Variants in MED23 observed in about 807,000 individuals in gnomAD.
MED23 encodes the protein mediator complex subunit 23, also known as mediator of RNA polymerase II transcription subunit 23.
In MED23, 105 loss-of-function variants were observed where a neutral mutation model predicts 163.9. The ratio of observed to expected loss-of-function variants is 0.64; its 90% CI spans 0.55 to 0.75. The LOEUF (loss-of-function observed/expected upper bound fraction) is 0.75. Among genes scored for constraint, MED23 ranks in the 30% least tolerant of loss-of-function variants. The pLI, the probability that MED23 is intolerant of heterozygous loss-of-function variation, is 0.00. For synonymous variants in MED23, 561 were observed against 565.6 expected, an observed-to-expected ratio of 0.99 and a Z score of 0.12; for missense variants, 1,054 against 1,649.0, an observed-to-expected ratio of 0.64 and a Z score of 6.25.
chr6:131,586,893 A>T lies in MED23; in HGVS notation c.*786T>A. On this transcript the variant is annotated 3_prime_UTR_variant, in exon 29 of 29. Coordinates refer to ENST00000368068, the MANE Select transcript of MED23 (RefSeq NM_004830.4). ...TATAAAATTTAAAAATTTTAAGATTATAAAAATTGAAGAATTACATCATCT... is the reference window on the plus strand; with the variant it reads ...TATAAAATTTAAAAATTTTAAGATTTTAAAAATTGAAGAATTACATCATCT... 3 of 1,450,234 alleles carry T rather than the reference A, an allele frequency of 2.1e-6. No individual in the cohort carries two copies. The highest frequency in any genetic ancestry group is 2.8e-6 in the Non-Finnish European group (3 of 1,071,124). The allele number at this position is 1,450,234 out of a possible 1,614,324, so 89.8% of individuals were successfully genotyped here.
At position 131,613,850 on chromosome 6, in the gene MED23, T is replaced by A. The variant is rs560331395; in HGVS notation, c.876+2057A>T. Among the ~76,000 whole-genome samples the A allele has an allele frequency of 6.7e-5, 10 of 148,950 alleles. No homozygotes were observed. The East Asian group carries it at 2.0e-3, about 30-fold the overall frequency. ...AGATCAGAAATACTCTCAATTGTTT[T>A]GTCAATTTCTAGTTTGAGAAGAGCT... On this transcript the variant is annotated intron_variant, in intron 10 of 28. Coordinates refer to ENST00000368068, the MANE Select transcript of MED23 (RefSeq NM_004830.4).
chr6:131,628,207 C>T lies in MED23; in HGVS notation c.-158G>A, dbSNP rs1251486459. ...GCGCTTTACCTGGAGCGTTCCCTCC[C>T]GAGCCCAGCCAACAGCAGGAACCTG... On this transcript the variant is annotated 5_prime_UTR_variant, in exon 1 of 29. Transcript: ENST00000368068. 2.5e-6 allele frequency: 2 copies of T among 804,260 alleles called. No individual in the cohort carries two copies. The highest frequency in any genetic ancestry group is 4.2e-6 in the Non-Finnish European group (2 of 480,428). 49.8% of individuals were successfully genotyped at this position (804,260 alleles called of 1,614,324 possible).
chr6:131,605,474 T>C lies in MED23; in HGVS notation c.1379A>G (p.Gln460Arg). ...SLRLHHEFLQ[Q>R]SLRNKSLQMN... ...CTGTAAACTTTTATTTCTTAGACTC[T>C]GCTGCAGGAACCTAAATATTCACGT... is the stretch of plus-strand genomic sequence containing the variant. Residue 460 changes from glutamine (Q) to arginine (R), a missense_variant, in exon 14 of 29, where the codon CAG becomes CGG. Around this residue, in one of 11 missense-constraint regions of MED23, gnomAD observed 39 missense variants for 50.5 expected, o/e 0.77. Transcript: ENST00000368068. The C allele has an allele frequency of 4.4e-6, 7 of 1,588,754 alleles. No homozygotes were observed. Among genetic ancestry groups the C allele is most frequent in the Non-Finnish European group, 6.0e-6 (7 of 1,167,224 alleles).
chr6:131,615,547 G>A (rs1393531823), intron 10 of MED23, among the ~76,000 whole-genome samples: 2 of 105,786 alleles, frequency 1.9e-5, no homozygotes, highest in African/African-American at 7.8e-5. Flanking sequence ...CAGCAAGAAG[G>A]CCACGCTGAA....
intron 10 of MED23, 163 bp from the exon 11 acceptor site, chr6:131,610,409 A>T: frequency 1.4e-6 from 1 of 718,892 alleles, no homozygotes; most frequent in Non-Finnish European, 2.4e-6. Context: ...GCATCATGTT[A>T]TATTATTATA....
chr6:131,602,151 G>C (rs917613193), intron 17 of MED23, 67 bp downstream of exon 17: 6 of 1,510,494 alleles, frequency 4.0e-6, no homozygotes, highest in Non-Finnish European at 4.6e-6. Context: ...TACAACTATA[G>C]TAATTAGTAG....
intron 9 of MED23, among the ~76,000 whole-genome samples, chr6:131,618,080 T>C (rs1048045259): frequency 6.6e-6 from 1 of 151,336 alleles, no homozygotes; most frequent in African/African-American, 2.4e-5. Flanking sequence ...GGAATTAGAC[T>C]GAGTTCACAT....
Position 131,596,547 on chromosome 6 carries a change from A to G in MED23, c.2749T>C (p.Trp917Arg). 6.2e-7 allele frequency: 1 copy of G among 1,614,202 alleles called. No individual in the cohort carries two copies. Among genetic ancestry groups the G allele is most frequent in the Non-Finnish European group, 8.5e-7 (1 of 1,180,014 alleles). ...NSPEHWLQNDWHTKHMNYHKK... is the reference protein window; with the variant it reads ...NSPEHWLQNDRHTKHMNYHKK... Reference sequence around the variant, plus strand: ...TGATAATTCATGTGCTTGGTGTGCCAGTCATTCTGTAACCAGTGCTCTGGG... The same window carrying G: ...TGATAATTCATGTGCTTGGTGTGCCGGTCATTCTGTAACCAGTGCTCTGGG... Residue 917 changes from tryptophan to arginine, a missense_variant, in exon 21 of 29, where the codon TGG becomes CGG. This residue lies in a region of MED23 where 228 missense variants were observed against 461.3 expected (regional missense o/e 0.49). Transcript: ENST00000368068.
chr6:131,624,881 C>T lies in MED23; in HGVS notation c.268G>A (p.Gly90Ser), dbSNP rs1158834851. 2 of 1,613,848 alleles carry T rather than the reference C, an allele frequency of 1.2e-6. No homozygotes were observed. The highest frequency in any genetic ancestry group is 8.5e-7 in the Non-Finnish European group (1 of 1,179,978). ...YDCLAMAVET[G>S]LLPPRLVCES... ...TAAACGTACCTGGGTGGAAGGAGAC[C>T]AGTCTCAACTGCCATTGCTAAGCAG... is the stretch of plus-strand genomic sequence containing the variant. Residue 90 changes from glycine to serine, a missense_variant, in exon 4 of 29, where the codon GGT becomes AGT. Coordinates refer to ENST00000368068, the MANE Select transcript of MED23 (RefSeq NM_004830.4).
chr6:131,594,152 G>A lies in MED23; in HGVS notation c.3179C>T (p.Pro1060Leu). The A allele has an allele frequency of 1.2e-6, 2 of 1,614,134 alleles. No homozygotes were observed. Among genetic ancestry groups the A allele is most frequent in the Non-Finnish European group, 1.7e-6 (2 of 1,180,032 alleles). Residue 1060 changes from proline (P) to leucine (L), a missense_variant, in exon 23 of 29, where the codon CCT (proline) becomes CTT (leucine). Physicochemically the swap from Pro to Leu is moderately conservative, Grantham distance 98 (BLOSUM62 -3). Coordinates refer to ENST00000368068, the MANE Select transcript of MED23 (RefSeq NM_004830.4). ...ATAGTAGGTGTCATCTGGAACCCAA[G>A]GATTTTCCTCTCGTGCATTCATAGC... ...KCAMNAREENPWVPDDTYYCR... is the reference protein window; with the variant it reads ...KCAMNAREENLWVPDDTYYCR...
chr6:131,593,689 A>G (rs1187836491), intron 23 of MED23, among the ~76,000 whole-genome samples: 1 of 152,146 alleles, frequency 6.6e-6, no homozygotes, highest in Non-Finnish European at 1.5e-5. Context: ...TACCTTTTCA[A>G]TAAAGAAAAA....
intron 14 of MED23, among the ~76,000 whole-genome samples, chr6:131,604,559 C>T (rs1775719555): frequency 6.6e-6 from 1 of 152,126 alleles, no homozygotes; most frequent in Admixed American, 6.6e-5. Context: ...CATGGAAAAA[C>T]AAACTTTGGA....
chr6:131,607,882 A>C (rs1470846061), intron 12 of MED23, 46 bp downstream of exon 12: 1 of 1,591,366 alleles, frequency 6.3e-7, no homozygotes. Flanking sequence ...AATTAGACAT[A>C]ATTTACTCAT....
At chr6:131,596,725 C>A in intron 20 of MED23, 37 bp from the exon 21 acceptor site, 1 of 1,598,666 alleles carries the variant, frequency 6.3e-7, no homozygotes, top group South Asian at 1.1e-5. Flanking sequence ...TGAAAATGTT[C>A]AACCTGTGTA....
chr6:131,602,907 G>A, intron 16 of MED23, 123 bp downstream of exon 16: 1 of 1,040,486 alleles, frequency 9.6e-7, no homozygotes, highest in Non-Finnish European at 1.4e-6. Context: ...AAGCAGAGAA[G>A]TTTTATGACA....
At chr6:131,610,320 T>G in intron 10 of MED23, 74 bp from the exon 11 acceptor site, 1 of 1,414,098 alleles carries the variant, frequency 7.1e-7, no homozygotes, top group Non-Finnish European at 9.8e-7. Flanking sequence ...TTAATGGGCA[T>G]TAATTGTAAC....
intron 16 of MED23, among the ~76,000 whole-genome samples, chr6:131,602,708 A>G (rs111738589): frequency 8.9e-4 from 136 of 152,258 alleles, no homozygotes; most frequent in African/African-American, 3.2e-3. Context: ...ATGTGACATG[A>G]TACTTTAACC....
chr6:131,620,741 A>G lies in MED23; in HGVS notation c.496-12T>C. On this transcript the variant is annotated splice_polypyrimidine_tract_variant and intron_variant, in intron 6 of 28. Transcript: ENST00000368068. ...ATATATGCTATAACCTAAGAAAAAC[A>G]AAAAGGCCACATCATTCTTGACTAG... 6.6e-7 allele frequency: 1 copy of G among 1,516,924 alleles called. No individual in the cohort carries two copies. The highest frequency in any genetic ancestry group is 2.3e-5 in the East Asian group (1 of 44,344). The allele number at this position is 1,516,924 out of a possible 1,614,324, so 94.0% of individuals were successfully genotyped here. A position where few individuals can be genotyped will look rare whatever the true frequency, so the allele number is the denominator to read the frequency against.
chr6:131,618,177 C>G (rs1415746917), intron 9 of MED23, among the ~76,000 whole-genome samples: 1 of 152,178 alleles, frequency 6.6e-6, no homozygotes, highest in Non-Finnish European at 1.5e-5. Flanking sequence ...ATTTCAGTTT[C>G]TCACCTCCAA....
Sources: allele counts gnomAD v4.1 joint callset (sites outside exome capture counted in the v4.1 genomes callset), GRCh38; gene constraint gnomAD v4.1.1; regional missense constraint gnomAD v4.1.1; transcripts MANE v1.5; gene names NCBI Gene and HGNC (gene_info 2026-07-23, HGNC 2026-07-21).